Variants in MTMR8 observed in about 807,000 individuals in gnomAD.
The protein encoded by MTMR8 is myotubularin related protein 8, also known as phosphatidylinositol-3,5-bisphosphate 3-phosphatase MTMR8.
A neutral mutation model predicts 39.3 loss-of-function variants in MTMR8; 65 were observed. The observed-to-expected ratio is 1.65, with a 90% CI of 1.35 to 2.03. The LOEUF is 2.03. Ranked by LOEUF, MTMR8 falls within the 30% of genes most tolerant of loss-of-function variation. MTMR8 has a pLI of 0.00. For synonymous variants in MTMR8, 245 were observed against 185.2 expected, an observed-to-expected ratio of 1.32 and a Z score of -2.62; for missense variants, 777 against 538.9, an observed-to-expected ratio of 1.44 and a Z score of -4.37.
At chrX:64,354,748 C>A (rs1923577949) in intron 4 of MTMR8, 29 bp downstream of exon 4, 1 of 1,148,775 alleles carries the variant, frequency 8.7e-7, no homozygotes, top group African/African-American at 1.8e-5. Context: ...TTAAATGCAC[C>A]AAAAGGCAAA....
chrX:64,349,904 C>T (rs1923442973), intron 5 of MTMR8, 38 bp downstream of exon 5: 1 of 1,078,283 alleles, frequency 9.3e-7, no homozygotes, highest in Non-Finnish European at 1.2e-6. Flanking sequence ...CTTCCAGAGC[C>T]ATGTTTAATT....
chrX:64,344,167 G>A (rs1187476535), intron 7 of MTMR8, among the ~76,000 whole-genome samples: 1 of 111,334 alleles, frequency 9.0e-6, no homozygotes, highest in Non-Finnish European at 1.9e-5. Flanking sequence ...TAATTTTTAT[G>A]CACTTTGCAA....
Position 64,270,967 on chromosome X carries a change from C to G in MTMR8, c.1588G>C (p.Asp530His). ...IKKQRAMLET[D>H]VHELEKKLKV... is the part of the protein sequence containing the mutation. ...CTCACCTTTTCTAGTTCATGCACAT[C>G]TGTCTCCAGCATTGCTCTCTGTTTC... The change falls in exon 13 of 14, where the codon GAT (aspartate) becomes CAT (histidine). Residue 530 changes from aspartate to histidine, a missense_variant. Transcript: ENST00000374852. 8.3e-7 allele frequency: 1 copy of G among 1,210,002 alleles called. No individual in the cohort carries two copies. The highest frequency in any genetic ancestry group is 3.0e-5 in the East Asian group (1 of 33,695).
chrX:64,285,789 C>T (rs1669171439), intron 12 of MTMR8, among the ~76,000 whole-genome samples: 1 of 111,039 alleles, frequency 9.0e-6, no homozygotes, highest in South Asian at 3.9e-4. Flanking sequence ...AGAACAAAGA[C>T]ACAACATACC....
chrX:64,325,045 C>T (rs775616964), intron 12 of MTMR8, among the ~76,000 whole-genome samples: 2 of 110,572 alleles, frequency 1.8e-5, no homozygotes, highest in Non-Finnish European at 3.8e-5. Context: ...GCCAGAAAAC[C>T]CAGATAACCT....
intron 1 of MTMR8, among the ~76,000 whole-genome samples, chrX:64,372,466 T>C (rs1924153592): frequency 9.0e-6 from 1 of 111,564 alleles, no homozygotes; most frequent in Admixed American, 9.6e-5. Flanking sequence ...CTTCTGCTAT[T>C]TCTTTAGAGT....
chrX:64,327,186 A>G (rs1211370934), intron 12 of MTMR8, among the ~76,000 whole-genome samples: 1 of 111,883 alleles, frequency 8.9e-6, no homozygotes, highest in Non-Finnish European at 1.9e-5. Context: ...GACAAATGAG[A>G]TTACATCAAA....
At chrX:64,356,927 G>A (rs1923641606) in intron 2 of MTMR8, among the ~76,000 whole-genome samples, 2 of 111,128 alleles carry the variant, frequency 1.8e-5, no homozygotes, top group Non-Finnish European at 3.8e-5. Context: ...CTAAACTTAA[G>A]TCCAGGATTA....
At chrX:64,387,067 A>G (rs1323918947) in intron 1 of MTMR8, among the ~76,000 whole-genome samples, 1 of 111,045 alleles carries the variant, frequency 9.0e-6, no homozygotes, top group Non-Finnish European at 1.9e-5. Context: ...AAAGAAAAGA[A>G]AGAAACTAGG....
intron 1 of MTMR8, among the ~76,000 whole-genome samples, chrX:64,390,219 G>A (rs965739096): frequency 1.8e-5 from 2 of 112,032 alleles, no homozygotes; most frequent in Admixed American, 9.5e-5. Context: ...TGAACATTTG[G>A]CCTTAGTTTC....
chrX:64,293,002 G>A (rs1337826111), intron 12 of MTMR8, among the ~76,000 whole-genome samples: 2 of 110,953 alleles, frequency 1.8e-5, no homozygotes, highest in Non-Finnish European at 3.8e-5. Flanking sequence ...ATAAAGGCCT[G>A]GGAAGACTGT....
chrX:64,368,046 C>A (rs1924025234), intron 1 of MTMR8, among the ~76,000 whole-genome samples: 1 of 111,585 alleles, frequency 9.0e-6, no homozygotes, highest in Non-Finnish European at 1.9e-5. Context: ...ATCAAACTTA[C>A]AAGGGATGTG....
chrX:64,296,573 GT>G (rs59765267), intron 12 of MTMR8, among the ~76,000 whole-genome samples: 12,756 of 90,831 alleles, frequency 0.14, 1,794 homozygotes, highest in African/African-American at 0.41. Context: ...CCCTATGCTG[GT>G]TTTTTTTTTT....
chrX:64,332,540 C>T (rs1485652701), intron 10 of MTMR8, among the ~76,000 whole-genome samples: 1 of 112,028 alleles, frequency 8.9e-6, no homozygotes, highest in Admixed American at 9.5e-5. Flanking sequence ...GCACCTACTG[C>T]TGCTTCTGCT....
At chrX:64,334,628 C>T (rs780304813) in intron 10 of MTMR8, among the ~76,000 whole-genome samples, 24 of 105,905 alleles carry the variant, frequency 2.3e-4, no homozygotes, top group African/African-American at 7.2e-4. Flanking sequence ...CTCACTGGCT[C>T]GGCTTCCCTG....
At chrX:64,338,655 C>G (rs2147224616) in intron 8 of MTMR8, among the ~76,000 whole-genome samples, 1 of 111,966 alleles carries the variant, frequency 8.9e-6, no homozygotes, top group East Asian at 2.8e-4. Context: ...ATCAGATGTA[C>G]ATCTTTGAAA....
At chrX:64,304,445 A>C (rs1005657557) in intron 12 of MTMR8, among the ~76,000 whole-genome samples, 1 of 111,587 alleles carries the variant, frequency 9.0e-6, no homozygotes. Context: ...TAAAGATGAT[A>C]CTGACTGTCC....
intron 1 of MTMR8, among the ~76,000 whole-genome samples, chrX:64,392,641 G>A (rs973602787): frequency 9.1e-6 from 1 of 110,495 alleles, no homozygotes. Context: ...CGGTTGCACA[G>A]GTGTGTCCAG....
chrX:64,366,794 C>CA (rs1316288718), intron 1 of MTMR8, among the ~76,000 whole-genome samples: 4 of 110,905 alleles, frequency 3.6e-5, no homozygotes, highest in Non-Finnish European at 5.7e-5. Flanking sequence ...AAAAAAACTT[C>CA]AAAAAAATCA....
Sources: gnomAD v4.1 joint callset for allele counts (sites outside exome capture counted in the v4.1 genomes callset) on GRCh38, gnomAD v4.1.1 for gene constraint, MANE v1.5 for transcripts, NCBI Gene and HGNC (gene_info 2026-07-23, HGNC 2026-07-21) for gene names.